The following ITGA11 variants were observed in gnomAD, a reference collection of about 807,000 sequenced individuals.
ITGA11 encodes integrin subunit alpha 11.
ITGA11 carries 97 observed loss-of-function variants against 141.9 expected under a neutral mutation model. The ratio of observed to expected loss-of-function variants is 0.68; its 90% CI spans 0.58 to 0.81. ITGA11 has a LOEUF of 0.81. Among genes scored for constraint, ITGA11 ranks in the 30% least tolerant of loss-of-function variants. ITGA11 has a pLI of 0.00. For missense variants in ITGA11, 1,387 were observed against 1,559.2 expected, an observed-to-expected ratio of 0.89 and a Z score of 1.86; for synonymous variants, 658 against 624.6, an observed-to-expected ratio of 1.05 and a Z score of -0.80.
rs60164952 is a variant in ITGA11, at chr15:68,336,808, C to T, written c.1277-963G>A. 2.0e-3 allele frequency among the ~76,000 whole-genome samples: 297 copies of T among 152,270 alleles called. 11 individuals carry two copies. In the East Asian group the frequency reaches 0.049, roughly 25 times the overall value. On this transcript the variant is annotated intron_variant, in intron 11 of 29. Coordinates refer to ENST00000315757, the MANE Select transcript of ITGA11 (RefSeq NM_001004439.2). The stretch of plus-strand genomic sequence containing the variant: ...GTGCACATATATGCGTGTGCATCTG[C>T]GTATCTGTGTGTGTAACACTGTCAC...
At chr15:68,314,574 A>C (rs1893505543) in intron 22 of ITGA11, among the ~76,000 whole-genome samples, 1 of 152,214 alleles carries the variant, frequency 6.6e-6, no homozygotes, top group Non-Finnish European at 1.5e-5. Flanking sequence ...CAACACACAC[A>C]GATGTGCCTC....
intron 2 of ITGA11, among the ~76,000 whole-genome samples, chr15:68,374,849 G>A (rs936594929): frequency 1.3e-5 from 2 of 152,190 alleles, no homozygotes; most frequent in Admixed American, 6.5e-5. Flanking sequence ...CTCACATCCC[G>A]GGAAATCCAA....
chr15:68,368,022 G>A (rs1344133588), intron 3 of ITGA11, among the ~76,000 whole-genome samples: 1 of 152,218 alleles, frequency 6.6e-6, no homozygotes, highest in Non-Finnish European at 1.5e-5. Flanking sequence ...CACCCATGGT[G>A]CTGATGCAGA....
At chr15:68,367,656 CCTCTTGT>C (rs1895465627) in intron 3 of ITGA11, among the ~76,000 whole-genome samples, 2 of 152,192 alleles carry the variant, frequency 1.3e-5, no homozygotes, top group African/African-American at 4.8e-5. Flanking sequence ...CCTTCCTTGG[CCTCTTGT>C]TCCCCACCAT....
In ITGA11 at chr15:68,328,223, A is replaced by T; in HGVS notation, c.1941T>A (p.Phe647Leu). ...PVVQINASLH[F>L]EPSKINIFHR... ...GGAAGATGTTGATCTTGGATGGCTC[A>T]AAGTGGAGGCTGGCATTGATCTGAA... Residue 647 changes from phenylalanine (F) to leucine (L), a missense_variant, in exon 16 of 30, where the codon TTT becomes TTA. Phe to Leu is a conservative substitution (Grantham distance 22). Transcript: ENST00000315757. The surrounding 1 kb of genome is among the most constrained non-coding windows in gnomAD (Gnocchi z 4.8). The T allele has an allele frequency of 6.2e-7, 1 of 1,613,956 alleles. No individual in the cohort carries two copies. Among genetic ancestry groups the T allele is most frequent in the Non-Finnish European group, 8.5e-7 (1 of 1,179,892 alleles).
At position 68,303,397 on chromosome 15, in the gene ITGA11, A is replaced by T. The variant is rs1240736604; in HGVS notation, c.3496-267T>A. On this transcript the variant is annotated intron_variant, in intron 29 of 29. Coordinates refer to ENST00000315757, the MANE Select transcript of ITGA11 (RefSeq NM_001004439.2). The surrounding 1 kb of genome is among the most constrained non-coding windows in gnomAD (Gnocchi z 5.3). Reference sequence around the variant, plus strand: ...CAACATCCCTCTCTGGGCCTCCTTCATCTGTAACAGGAGGAGGCTGAGACC... The same window carrying T: ...CAACATCCCTCTCTGGGCCTCCTTCTTCTGTAACAGGAGGAGGCTGAGACC... 6.6e-6 allele frequency among the ~76,000 whole-genome samples: 1 copy of T among 152,176 alleles called. No individual in the cohort carries two copies. The highest frequency in any genetic ancestry group is 1.5e-5 in the Non-Finnish European group (1 of 68,034).
At chr15:68,351,761 G>T (rs150717349) in intron 7 of ITGA11, among the ~76,000 whole-genome samples, 2 of 152,154 alleles carry the variant, frequency 1.3e-5, no homozygotes, top group Admixed American at 1.3e-4. Flanking sequence ...AACCCCAGCT[G>T]CTCACTGACA....
intron 2 of ITGA11, among the ~76,000 whole-genome samples, chr15:68,379,308 C>G (rs1445121063): frequency 1.3e-5 from 2 of 152,210 alleles, no homozygotes; most frequent in African/African-American, 2.4e-5. Context: ...TCCTTCAATT[C>G]CTATGAAGCT....
rs1421383319 is a variant in ITGA11 at position 68,332,035 on chromosome 15, T to C, written c.1594A>G (p.Lys532Glu). 7.5e-6 allele frequency: 12 copies of C among 1,608,212 alleles called. No homozygotes were observed. The highest frequency in any genetic ancestry group is 1.0e-5 in the Non-Finnish European group (12 of 1,177,320). Reference sequence around the variant, plus strand: ...GCATTCTGGTAACTGTGTGAATCCTTTAGCGTTCCGTTATAAACAAACAGG... The same window carrying C: ...GCATTCTGGTAACTGTGTGAATCCTCTAGCGTTCCGTTATAAACAAACAGG... ...QNLFVYNGTL[K>E]DSHSYQNARF... is the part of the protein sequence containing the mutation. Residue 532 changes from lysine to glutamate, a missense_variant, in exon 14 of 30, where the codon AAG (lysine) becomes GAG (glutamate). Transcript: ENST00000315757.
intron 1 of ITGA11, among the ~76,000 whole-genome samples, chr15:68,428,136 G>C (rs1221757365): frequency 6.6e-6 from 1 of 152,168 alleles, no homozygotes; most frequent in African/African-American, 2.4e-5. Flanking sequence ...AACACCCAAA[G>C]TCAGGCATTG....
intron 24 of ITGA11, among the ~76,000 whole-genome samples, chr15:68,311,841 T>G (rs1893398894): frequency 6.6e-6 from 1 of 152,132 alleles, no homozygotes. Flanking sequence ...GAGTGCATGA[T>G]TGTTCACATT....
rs1205942904 is a variant in ITGA11, at chr15:68,299,223, C to G, written c.*3836G>C. On this transcript the variant is annotated 3_prime_UTR_variant, in exon 30 of 30. Coordinates refer to ENST00000315757, the MANE Select transcript of ITGA11 (RefSeq NM_001004439.2). ...CAAGGCTTACAATTCCCTCCTCATG[C>G]TAAATCAGCAAGGCTCCGTTCCTGT... 6.6e-6 allele frequency: 1 copy of G among 152,162 alleles called. No individual in the cohort carries two copies. The highest frequency in any genetic ancestry group is 1.9e-4 in the East Asian group (1 of 5,196). The allele number at this position is 152,162 out of a possible 1,614,324, so 9.4% of individuals were successfully genotyped here. A position where few individuals can be genotyped will look rare whatever the true frequency, so the allele number is the denominator to read the frequency against.
intron 3 of ITGA11, among the ~76,000 whole-genome samples, chr15:68,366,115 T>G (rs1325724206): frequency 6.6e-6 from 1 of 152,222 alleles, no homozygotes; most frequent in Non-Finnish European, 1.5e-5. Flanking sequence ...TCTGCCCTTC[T>G]TGGCTGTGCT....
chr15:68,428,042 G>C (rs1430969094), intron 1 of ITGA11, among the ~76,000 whole-genome samples: 1 of 152,178 alleles, frequency 6.6e-6, no homozygotes, highest in Non-Finnish European at 1.5e-5. Flanking sequence ...GCCCATCACT[G>C]CCTGGGGAGG....
rs1043765324 is a variant in ITGA11 at position 68,321,838 on chromosome 15, A to C, written c.2323-335T>G. 6.6e-6 allele frequency among the ~76,000 whole-genome samples: 1 copy of C among 152,208 alleles called. No individual in the cohort carries two copies. The highest frequency in any genetic ancestry group is 2.4e-5 in the African/African-American group (1 of 41,438). ...GGCTTTGGTACTGGGGATACAAAACAAGAAAGATGCAGCTTCTGCCCTCAG... is the reference window on the plus strand; with the variant it reads ...GGCTTTGGTACTGGGGATACAAAACCAGAAAGATGCAGCTTCTGCCCTCAG... On this transcript the variant is annotated intron_variant, in intron 18 of 29. Transcript: ENST00000315757. This position sits in a 1 kb window ranked among gnomAD's most constrained non-coding sequence, Gnocchi z 4.9.
chr15:68,419,167 G>A (rs189652230), intron 1 of ITGA11, among the ~76,000 whole-genome samples: 99 of 152,268 alleles, frequency 6.5e-4, no homozygotes, highest in African/African-American at 2.3e-3. Context: ...GCTTGGTGGG[G>A]ATGGCGGACT....
intron 10 of ITGA11, among the ~76,000 whole-genome samples, chr15:68,347,199 T>C (rs1423683340): frequency 1.3e-5 from 2 of 152,208 alleles, no homozygotes; most frequent in African/African-American, 4.8e-5. Flanking sequence ...CCCACATGAA[T>C]GGATGCTCTC....
intron 26 of ITGA11, among the ~76,000 whole-genome samples, chr15:68,310,233 C>T (rs866601341): frequency 6.4e-4 from 97 of 152,142 alleles, no homozygotes; most frequent in African/African-American, 2.1e-3. Flanking sequence ...GAGAAACTAA[C>T]GTTAATGGGA....
At chr15:68,332,564 A>C in intron 12 of ITGA11, 86 bp from the exon 13 acceptor site, 1 of 1,473,064 alleles carries the variant, frequency 6.8e-7, no homozygotes, top group Non-Finnish European at 9.1e-7. Context: ...GAGGGAAGCC[A>C]AGGTCATCCT....
Sources: allele counts gnomAD v4.1 joint callset (sites outside exome capture counted in the v4.1 genomes callset), GRCh38; gene constraint gnomAD v4.1.1; non-coding constraint Gnocchi (gnomAD v3.1); transcripts MANE v1.5; gene names NCBI Gene and HGNC (gene_info 2026-07-23, HGNC 2026-07-21).